The following COL6A2 variants were observed in gnomAD, a reference collection of about 807,000 sequenced individuals.
COL6A2 encodes collagen alpha-2(VI) chain.
In COL6A2, 90 loss-of-function variants were observed where a neutral mutation model predicts 124.9. The observed-to-expected ratio is 0.72, with a 90% confidence interval of 0.61 to 0.86. The LOEUF is 0.86. Ranked by LOEUF, COL6A2 falls within the 40% of genes least tolerant of loss-of-function variation. The pLI, the probability that COL6A2 is intolerant of heterozygous loss-of-function variation, is 0.00. For missense variants in COL6A2, 1,607 were observed against 1,502.5 expected, an observed-to-expected ratio of 1.07 and a Z score of -1.15; for synonymous variants, 793 against 618.2, an observed-to-expected ratio of 1.28 and a Z score of -4.19.
At chr21:46,129,209 T>C (rs1486757066) in intron 27 of COL6A2, 2 of 1,612,844 alleles carry the variant, frequency 1.2e-6, no homozygotes, top group African/African-American at 1.3e-5. Flanking sequence ...CACCGTGGCC[T>C]GGCGGCGAGC....
intron 1 of COL6A2, among the ~76,000 whole-genome samples, chr21:46,108,016 A>AT (rs1381663289): frequency 6.6e-6 from 1 of 151,564 alleles, no homozygotes; most frequent in Non-Finnish European, 1.5e-5. Flanking sequence ...TCAATGATAT[A>AT]TTTTTCTAAG....
At chr21:46,120,149 C>T (rs2078540789) in intron 15 of COL6A2, among the ~76,000 whole-genome samples, 2 of 147,454 alleles carry the variant, frequency 1.4e-5, no homozygotes, top group African/African-American at 4.9e-5. Context: ...CTCTTACCCC[C>T]AGCCCACTGA....
At chr21:46,125,741 G>T (rs762037437) in intron 25 of COL6A2, 44 bp from the exon 26 acceptor site, 2 of 1,604,730 alleles carry the variant, frequency 1.2e-6, no homozygotes, top group Non-Finnish European at 1.7e-6. Context: ...GGATGCCCCA[G>T]ACCCCGAGGC....
At chr21:46,126,396 C>A in intron 26 of COL6A2, 107 bp from the exon 27 acceptor site, 1 of 1,543,828 alleles carries the variant, frequency 6.5e-7, no homozygotes, top group East Asian at 2.2e-5. Flanking sequence ...GGCTGCAGGG[C>A]AGAGGCCAGC....
chr21:46,123,043 G>A (rs1301007742), intron 21 of COL6A2, 106 bp downstream of exon 21: 3 of 1,170,082 alleles, frequency 2.6e-6, no homozygotes, highest in South Asian at 1.2e-5. Context: ...AGGCAGCTTG[G>A]CCCCAGCCAT....
chr21:46,129,873 T>C, intron 27 of COL6A2: 1 of 1,028,844 alleles, frequency 9.7e-7, no homozygotes, highest in Non-Finnish European at 1.2e-6. Context: ...TGTGGAAGTC[T>C]TTGGAGGCCC....
rs577303006 is a variant in COL6A2, at chr21:46,129,004, T to C, written c.2461+2463T>C. On this transcript the variant is annotated intron_variant, in intron 27 of 27. Transcript: ENST00000300527. The stretch of plus-strand genomic sequence containing the variant: ...CTCCTAGCTCCCTGCCAGCTTCCTG[T>C]CCCTGTGCTCACTGCCCCCACGCCT... 1.4e-4 allele frequency: 227 copies of C among 1,605,740 alleles called. 1 individual carries two copies. The South Asian group carries it at 1.9e-3, about 14-fold the overall frequency.
Position 46,132,310 on chromosome 21 carries a change from G to A in COL6A2, c.2818G>A (p.Ala940Thr), listed in dbSNP as rs780703127. Residue 940 changes from alanine (A) to threonine (T), a missense_variant, in exon 28 of 28, where the codon GCA (alanine) becomes ACA (threonine). Coordinates refer to ENST00000300527, the MANE Select transcript of COL6A2 (RefSeq NM_001849.4). The part of the protein sequence containing the change: ...RSPRGGARRH[A>T]ELSFVFLTDG... ...CCCGCGTGGCGGGGCCCGGAGGCAC[G>A]CAGAGCTGTCCTTCGTGTTCCTCAC... is the stretch of plus-strand genomic sequence containing the variant. 36 of 1,606,478 alleles carry A rather than the reference G, an allele frequency of 2.2e-5. No individual in the cohort carries two copies. The highest frequency in any genetic ancestry group is 7.7e-5 in the South Asian group (7 of 90,968).
chr21:46,131,767 G>A (rs561121479), intron 27 of COL6A2, among the ~76,000 whole-genome samples, 187 bp from the exon 28 acceptor site: 14 of 152,306 alleles, frequency 9.2e-5, no homozygotes, highest in South Asian at 4.1e-4. Context: ...TCCCAGCAGT[G>A]CCGCCTGAAA....
intron 20 of COL6A2, 72 bp from the exon 21 acceptor site, chr21:46,122,803 A>G: frequency 6.8e-7 from 1 of 1,472,290 alleles, no homozygotes; most frequent in Non-Finnish European, 9.5e-7. Flanking sequence ...ATTTTTCCAC[A>G]TAAAAATCTC....
intron 27 of COL6A2, among the ~76,000 whole-genome samples, chr21:46,131,735 C>A (rs918491206): frequency 1.3e-5 from 2 of 152,326 alleles, no homozygotes; most frequent in South Asian, 2.1e-4. Context: ...GGCCTGGGAG[C>A]ACCAGCAGAG....
At position 46,116,144 on chromosome 21, in the gene COL6A2, TACG is replaced by T; in HGVS notation, c.900+94_900+96del. 8 of 1,344,674 alleles carry T rather than the reference TACG, an allele frequency of 5.9e-6. No homozygotes were observed. The South Asian group carries it at 1.0e-4, about 17-fold the overall frequency. 83.3% of individuals were successfully genotyped at this position (1,344,674 alleles called of 1,614,324 possible). Reference sequence around the variant, plus strand: ...CCAGCCCAGCCTCGGCCTCAGCCTCTACGACCCTCCCCCCAGTTACCAAGGAAC... The same window carrying T: ...CCAGCCCAGCCTCGGCCTCAGCCTCTACCCTCCCCCCAGTTACCAAGGAAC... On this transcript the variant is annotated intron_variant, in intron 7 of 27. Transcript: ENST00000300527. The surrounding 1 kb of genome is among the most constrained non-coding windows in gnomAD (Gnocchi z 4.6).
chr21:46,126,858 C>T (rs926971389), intron 27 of COL6A2, among the ~76,000 whole-genome samples: 23 of 152,190 alleles, frequency 1.5e-4, no homozygotes, highest in African/African-American at 4.1e-4. Flanking sequence ...CCTCAGCTGC[C>T]GCCCAGCTCC....
chr21:46,127,052 GC>G (rs2078681935), intron 27 of COL6A2, among the ~76,000 whole-genome samples: 1 of 152,176 alleles, frequency 6.6e-6, no homozygotes, highest in Non-Finnish European at 1.5e-5. Context: ...CCCGGATGTG[GC>G]CCACGTGGGT....
rs546468002 is a variant in COL6A2, at chr21:46,126,656, G to T, written c.2461+115G>T. ...GTGCAGGGACCCGGGGGGCGGCGGA[G>T]CCACTGCGGAGGCTGCTCCTTAGGG... On this transcript the variant is annotated intron_variant, in intron 27 of 27. Transcript: ENST00000300527. 2.3e-5 allele frequency: 29 copies of T among 1,284,180 alleles called. 1 individual carries two copies. In the East Asian group the frequency reaches 2.9e-4, roughly 13 times the overall value. The allele number at this position is 1,284,180 out of a possible 1,614,324, so 79.5% of individuals were successfully genotyped here.
intron 1 of COL6A2, among the ~76,000 whole-genome samples, chr21:46,107,153 A>G (rs1483050388): frequency 1.3e-5 from 2 of 152,134 alleles, no homozygotes; most frequent in South Asian, 4.1e-4. Context: ...ACTAGTGTAA[A>G]TAGCATTTTT....
chr21:46,117,450 C>A lies in COL6A2; in HGVS notation c.1050C>A (p.Asn350Lys). The A allele has an allele frequency of 6.2e-7, 1 of 1,612,726 alleles. No individual in the cohort carries two copies. The highest frequency in any genetic ancestry group is 1.3e-5 in the African/African-American group (1 of 75,042). ...CTGGCTGCAAGGGAGACCCTGGAAA[C>A]CGGGTAAGGGCCGTTTGCACCCCTC... ...GPPGCKGDPG[N>K]RGPDGYPGEA... Residue 350 changes from asparagine (N) to lysine (K), a missense_variant, in exon 11 of 28, where the codon AAC (asparagine) becomes AAA (lysine). Physicochemically the swap from Asn to Lys is moderately conservative, Grantham distance 94. This residue lies in a region of COL6A2 where 1,223 missense variants were observed against 1,052.2 expected (regional missense o/e 1.16). Transcript: ENST00000300527.
chr21:46,121,093 C>T lies in COL6A2; in HGVS notation c.1428C>T (p.Pro476=). The T allele has an allele frequency of 6.2e-7, 1 of 1,612,792 alleles. No homozygotes were observed. Among genetic ancestry groups the T allele is most frequent in the African/African-American group, 1.3e-5 (1 of 75,036 alleles). The change falls in exon 17 of 28, where the codon CCC becomes CCT. Residue 476 remains proline (P), a synonymous_variant. Coordinates refer to ENST00000300527, the MANE Select transcript of COL6A2 (RefSeq NM_001849.4). ...GDRGLPGPRG[P]QGALGEPGKQ... ...GAGGCTTGCCTGGACCCAGAGGCCC[C>T]CAGGGAGCTCTTGGGGAGCCCGGAA...
At position 46,116,063 on chromosome 21, in the gene COL6A2, C is replaced by T; in HGVS notation, c.900+10C>T. On this transcript the variant is annotated intron_variant, in intron 7 of 27. Coordinates refer to ENST00000300527, the MANE Select transcript of COL6A2 (RefSeq NM_001849.4). The surrounding 1 kb of genome is among the most constrained non-coding windows in gnomAD (Gnocchi z 4.6). ...ATTCCCAGGACCCAAGGTGAGTGAC[C>T]TCGGCCAGGGGCTTGGCTCCACCCT... is the stretch of plus-strand genomic sequence containing the variant. The T allele has an allele frequency of 6.4e-7, 1 of 1,574,062 alleles. No homozygotes were observed. Among genetic ancestry groups the T allele is most frequent in the Middle Eastern group, 1.7e-4 (1 of 5,814 alleles).
Sources: gnomAD v4.1 joint callset for allele counts (sites outside exome capture counted in the v4.1 genomes callset) on GRCh38, gnomAD v4.1.1 for gene constraint, gnomAD v4.1.1 regional missense constraint, Gnocchi (gnomAD v3.1) non-coding constraint, MANE v1.5 for transcripts, NCBI Gene and HGNC (gene_info 2026-07-23, HGNC 2026-07-21) for gene names.